The following CACNA1C variants were observed in gnomAD, a reference collection of about 807,000 sequenced individuals.
CACNA1C encodes the protein voltage-dependent L-type calcium channel subunit alpha-1C.
Under a neutral mutation model 229.0 loss-of-function variants are expected in CACNA1C, and 30 were observed. That is an observed-to-expected ratio of 0.13 (90% CI 0.10 to 0.18). The LOEUF is 0.18. CACNA1C is among the 10% of genes least tolerant of loss of function. CACNA1C has a pLI of 1.00. For synonymous variants in CACNA1C, 1,114 were observed against 1,132.5 expected (o/e 0.98, Z 0.33); for missense variants, 1,658 against 2,845.0 (o/e 0.58, Z 9.49).
In CACNA1C at chr12:2,337,991, G is replaced by A. The variant is rs1453513934; in HGVS notation, c.478-110985G>A. Reference sequence around the variant, plus strand: ...GTCCCCTTTCTCTGCTTCAGCACCTGGAATGACTGTCCCAGGATTAAGTCC... The same window carrying A: ...GTCCCCTTTCTCTGCTTCAGCACCTAGAATGACTGTCCCAGGATTAAGTCC... On this transcript the variant is annotated intron_variant, in intron 3 of 46. Coordinates refer to ENST00000399655, the MANE Select transcript of CACNA1C (RefSeq NM_000719.7). 2.6e-5 allele frequency among the ~76,000 whole-genome samples: 4 copies of A among 152,268 alleles called. No individual in the cohort carries two copies. In the East Asian group the frequency reaches 7.7e-4, roughly 29 times the overall value.
intron 1 of CACNA1C, among the ~76,000 whole-genome samples, chr12:2,041,319 C>A (rs2050059413): frequency 7.3e-6 from 1 of 136,648 alleles, no homozygotes; most frequent in South Asian, 2.3e-4. Flanking sequence ...CTGTTTCGCC[C>A]AGGCCAGAGT....
At chr12:2,641,659 C>T (rs2153606156) in intron 30 of CACNA1C, 1 of 699,170 alleles carries the variant, frequency 1.4e-6, no homozygotes, top group South Asian at 1.5e-5. Context: ...GTCATTCATG[C>T]TGGGTGGTAG....
At chr12:2,140,344 T>G (rs972454629) in intron 3 of CACNA1C, among the ~76,000 whole-genome samples, 1 of 151,354 alleles carries the variant, frequency 6.6e-6, no homozygotes, top group Non-Finnish European at 1.5e-5. Flanking sequence ...TCACTTTTGG[T>G]TTGGTGTCTG....
intron 3 of CACNA1C, among the ~76,000 whole-genome samples, chr12:2,189,818 T>C (rs2097157245): frequency 6.6e-6 from 1 of 151,736 alleles, no homozygotes; most frequent in South Asian, 2.1e-4. Flanking sequence ...AGAAAAAAAC[T>C]CACAAAAGTA....
In CACNA1C at chr12:2,605,672, A is replaced by C; in HGVS notation, c.3049-7A>C. On this transcript the variant is annotated splice_region_variant and splice_polypyrimidine_tract_variant and intron_variant, in intron 23 of 46. Transcript: ENST00000399655. The surrounding 1 kb of genome is among the most constrained non-coding windows in gnomAD (Gnocchi z 6.2). ...CACGTCCCTCTCCCCGTCCCTTCCC[A>C]CTGCAGCATGTGGTTCAGTGTGTGT... 2 of 1,609,000 alleles carry C rather than the reference A, an allele frequency of 1.2e-6. No individual in the cohort carries two copies. The highest frequency in any genetic ancestry group is 8.5e-7 in the Non-Finnish European group (1 of 1,175,782).
intron 1 of CACNA1C, among the ~76,000 whole-genome samples, chr12:2,077,057 G>GC (rs1347229989): frequency 1.3e-5 from 2 of 152,206 alleles, no homozygotes; most frequent in African/African-American, 4.8e-5. Context: ...ACAACGCATT[G>GC]CCCACTTAAG....
chr12:2,497,933 G>A (rs889106579), intron 7 of CACNA1C, among the ~76,000 whole-genome samples: 5 of 150,056 alleles, frequency 3.3e-5, no homozygotes, highest in Non-Finnish European at 5.9e-5. Flanking sequence ...ATCCCACTAT[G>A]TGTCTGGATG....
chr12:2,404,031 C>T (rs1049846911), intron 3 of CACNA1C, among the ~76,000 whole-genome samples: 6 of 152,226 alleles, frequency 3.9e-5, no homozygotes, highest in African/African-American at 1.4e-4. Context: ...GACTCAGGAT[C>T]CCCTAGGCTG....
At chr12:2,670,701 A>T (rs779632562) in intron 38 of CACNA1C, among the ~76,000 whole-genome samples, 2 of 152,012 alleles carry the variant, frequency 1.3e-5, no homozygotes, top group Non-Finnish European at 2.9e-5. Flanking sequence ...TCTACTAAAA[A>T]TACAAAAATT....
chr12:2,433,958 TAAAA>T (rs931905282), intron 3 of CACNA1C, among the ~76,000 whole-genome samples: 1 of 152,150 alleles, frequency 6.6e-6, no homozygotes, highest in Non-Finnish European at 1.5e-5. Flanking sequence ...TGGTGATTTT[TAAAA>T]AAAGTTCCCT....
At chr12:2,683,259 C>CT (rs1297016047) in intron 43 of CACNA1C, among the ~76,000 whole-genome samples, 1 of 152,340 alleles carries the variant, frequency 6.6e-6, no homozygotes, top group Admixed American at 6.5e-5. Context: ...ATATCAGAAA[C>CT]TATCAGAATG....
chr12:2,263,334 G>C (rs776443670), intron 3 of CACNA1C, among the ~76,000 whole-genome samples: 2 of 152,172 alleles, frequency 1.3e-5, no homozygotes, highest in Non-Finnish European at 2.9e-5. Flanking sequence ...TCAGGTAGGA[G>C]CAGGGAGGAG....
At chr12:2,449,532 A>T (rs1389728067) in intron 4 of CACNA1C, among the ~76,000 whole-genome samples, 1 of 150,936 alleles carries the variant, frequency 6.6e-6, no homozygotes, top group African/African-American at 2.5e-5. Flanking sequence ...CTTCTGTGTT[A>T]TCTCTTTTCA....
At position 2,159,889 on chromosome 12, in the gene CACNA1C, C is replaced by T. The variant is rs139091965; in HGVS notation, c.477+39459C>T. Among the ~76,000 whole-genome samples, 4 of 152,350 alleles carry T rather than the reference C, an allele frequency of 2.6e-5. 1 individual carries two copies. The highest frequency in any genetic ancestry group is 9.6e-5 in the African/African-American group (4 of 41,580). On this transcript the variant is annotated intron_variant, in intron 3 of 46. Coordinates refer to ENST00000399655, the MANE Select transcript of CACNA1C (RefSeq NM_000719.7). The stretch of plus-strand genomic sequence containing the variant: ...AAAGTGCTGGGATTATAGGCGTGAG[C>T]CACCGCTCCTGGCCTAGACTTATTT...
intron 3 of CACNA1C, among the ~76,000 whole-genome samples, chr12:2,174,184 C>A (rs984354945): frequency 6.6e-6 from 1 of 152,046 alleles, no homozygotes. Flanking sequence ...TAAATGGTGG[C>A]CAGCCTTCGA....
chr12:2,128,576 A>G (rs1302274248), intron 3 of CACNA1C, among the ~76,000 whole-genome samples: 1 of 151,956 alleles, frequency 6.6e-6, no homozygotes, highest in Admixed American at 6.6e-5. Flanking sequence ...ATGCCCAGCT[A>G]ATTTTTTTGT....
At chr12:2,413,664 C>G (rs2098833529) in intron 3 of CACNA1C, among the ~76,000 whole-genome samples, 1 of 152,188 alleles carries the variant, frequency 6.6e-6, no homozygotes, top group African/African-American at 2.4e-5. Flanking sequence ...CCATCTCACT[C>G]AAGTCCCGCC....
intron 3 of CACNA1C, among the ~76,000 whole-genome samples, chr12:2,205,526 A>G (rs896070530): frequency 6.6e-6 from 1 of 152,128 alleles, no homozygotes; most frequent in Non-Finnish European, 1.5e-5. Context: ...GTGTAATTCT[A>G]TATTTATTTA....
At chr12:2,535,883 C>T (rs2099853805) in intron 9 of CACNA1C, among the ~76,000 whole-genome samples, 1 of 152,186 alleles carries the variant, frequency 6.6e-6, no homozygotes, top group South Asian at 2.1e-4. Context: ...GCAGGGCAAG[C>T]TGATCGATAT....
Sources: gnomAD v4.1 joint callset for allele counts (sites outside exome capture counted in the v4.1 genomes callset) on GRCh38, gnomAD v4.1.1 for gene constraint, Gnocchi (gnomAD v3.1) non-coding constraint, MANE v1.5 for transcripts, NCBI Gene and HGNC (gene_info 2026-07-23, HGNC 2026-07-21) for gene names.